The following BRD4 variants were observed in gnomAD, a reference collection of about 807,000 sequenced individuals.
BRD4 encodes bromodomain containing 4, also known as bromodomain-containing protein 4.
In BRD4, 16 loss-of-function variants were observed where a neutral mutation model predicts 142.1. The ratio of observed to expected loss-of-function variants is 0.11; its 90% CI spans 0.08 to 0.17. The LOEUF (loss-of-function observed/expected upper bound fraction) is 0.17. BRD4 is among the 10% of genes least tolerant of loss of function. BRD4 has a pLI of 1.00. For missense variants in BRD4, 1,424 were observed against 1,810.9 expected (o/e 0.79, Z 3.88); for synonymous variants, 833 against 707.5 (o/e 1.18, Z -2.82).
At chr19:15,307,162 A>T (rs375222139) in intron 1 of BRD4, among the ~76,000 whole-genome samples, 1 of 152,206 alleles carries the variant, frequency 6.6e-6, no homozygotes, top group East Asian at 1.9e-4. Context: ...CCTCAAGTTG[A>T]GTGACACAAA....
In BRD4 at chr19:15,236,864, C is replaced by T. The variant is rs565776142; in HGVS notation, c.*1513G>A. ...TAAAAAAAGAGAGATGTGTTTATTC[C>T]ATGATCAGTACAGACCAAATGCATA... On this transcript the variant is annotated 3_prime_UTR_variant, in exon 20 of 20. Transcript: ENST00000679869. 1 of 193,600 alleles carries T rather than the reference C, an allele frequency of 5.2e-6. No individual in the cohort carries two copies. Among genetic ancestry groups the T allele is most frequent in the African/African-American group, 2.3e-5 (1 of 43,040 alleles). The allele number at this position is 193,600 out of a possible 1,614,324, so 12.0% of individuals were successfully genotyped here.
Position 15,264,718 on chromosome 19 carries a change from TGGTGGTGGG to T in BRD4, c.889_897del (p.Pro297_Thr299del), listed in dbSNP as rs1568388329. ...GAGGGTGGCTCGTGAATGGGGTCAA[TGGTGGTGGG>T]GGTGGTGGTGTCTGCTTTCCTCTTC... On this transcript the variant is annotated inframe_deletion, in exon 6 of 20. Transcript: ENST00000679869. The T allele has an allele frequency of 4.3e-6, 7 of 1,612,576 alleles. No individual in the cohort carries two copies. The South Asian group carries it at 6.6e-5, about 15-fold the overall frequency.
At chr19:15,302,766 G>C (rs907418656) in intron 1 of BRD4, among the ~76,000 whole-genome samples, 7 of 151,776 alleles carry the variant, frequency 4.6e-5, no homozygotes, top group Non-Finnish European at 7.4e-5. Flanking sequence ...AGCACTTTGG[G>C]AGGCCGAGGC....
At chr19:15,289,692 A>G (rs1217820944) in intron 1 of BRD4, among the ~76,000 whole-genome samples, 1 of 152,100 alleles carries the variant, frequency 6.6e-6, no homozygotes, top group African/African-American at 2.4e-5. Context: ...AAAAAAGCCA[A>G]AACAGCAGTT....
chr19:15,257,218 C>A (rs769784702), intron 7 of BRD4, 45 bp from the exon 8 acceptor site: 8 of 1,537,340 alleles, frequency 5.2e-6, no homozygotes, highest in South Asian at 3.7e-5. Context: ...GGTACCCAGG[C>A]CGCGGCCTAG....
intron 4 of BRD4, 90 bp downstream of exon 4, chr19:15,267,326 T>A: frequency 6.7e-7 from 1 of 1,493,938 alleles, no homozygotes; most frequent in Non-Finnish European, 9.1e-7. Context: ...TAATGTCACA[T>A]CCTCCTGCCA....
chr19:15,308,164 G>GGGGGGGGGGGGGGGGGA (rs2047932966), intron 1 of BRD4, among the ~76,000 whole-genome samples: 1 of 20,012 alleles, frequency 5.0e-5, no homozygotes, highest in Non-Finnish European at 1.0e-4. Context: ...GGGGGGGGGG[G>GGGGGGGGGGGGGGGGGA]TGGGTCGCGT....
chr19:15,305,519 A>G (rs1023391337), intron 1 of BRD4, among the ~76,000 whole-genome samples: 1 of 152,262 alleles, frequency 6.6e-6, no homozygotes, highest in African/African-American at 2.4e-5. Context: ...TTTTCTAAGC[A>G]GTAGGTCTCA....
chr19:15,262,564 C>T (rs908944167), intron 7 of BRD4, among the ~76,000 whole-genome samples: 3 of 134,296 alleles, frequency 2.2e-5, no homozygotes, highest in South Asian at 2.5e-4. Flanking sequence ...AGAAAATAAA[C>T]GAGGCAAAAT....
intron 1 of BRD4, among the ~76,000 whole-genome samples, chr19:15,324,189 G>A (rs1229265245): frequency 1.3e-5 from 2 of 152,094 alleles, no homozygotes; most frequent in African/African-American, 2.4e-5. Context: ...GGGCAGAACA[G>A]GCTAACACAT....
intron 1 of BRD4, among the ~76,000 whole-genome samples, chr19:15,298,859 C>A (rs979865833): frequency 3.3e-5 from 5 of 152,104 alleles, no homozygotes; most frequent in South Asian, 4.1e-4. Flanking sequence ...AGAAAGAAAA[C>A]AGGTCTCACA....
At chr19:15,325,708 AAG>A (rs1334963604) in intron 1 of BRD4, among the ~76,000 whole-genome samples, 2 of 152,138 alleles carry the variant, frequency 1.3e-5, no homozygotes, top group African/African-American at 4.8e-5. Flanking sequence ...AAGATGAAAA[AAG>A]AGAAAACACC....
At chr19:15,324,102 T>C (rs34806847) in intron 1 of BRD4, among the ~76,000 whole-genome samples, 21,155 of 151,996 alleles carry the variant, frequency 0.14, 1,703 homozygotes, top group Middle Eastern at 0.2. Context: ...TCTCCTCTCC[T>C]GCTCTGGTAC....
At position 15,268,902 on chromosome 19, in the gene BRD4, C is replaced by T; in HGVS notation, c.423+3G>A. The T allele has an allele frequency of 6.2e-7, 1 of 1,614,080 alleles. No homozygotes were observed. Among genetic ancestry groups the T allele is most frequent in the Non-Finnish European group, 8.5e-7 (1 of 1,179,960 alleles). The stretch of plus-strand genomic sequence containing the variant: ...CAGCTGGACACCCACCCCTACATCT[C>T]ACCTTGTTGTAGATGTAACAATTTG... On this transcript the variant is annotated splice_donor_region_variant and intron_variant, in intron 3 of 19. Coordinates refer to ENST00000679869, the MANE Select transcript of BRD4 (RefSeq NM_001379291.1).
intron 1 of BRD4, among the ~76,000 whole-genome samples, chr19:15,307,873 G>C (rs868424346): frequency 6.6e-6 from 1 of 152,088 alleles, no homozygotes. Flanking sequence ...CCAGCATTTT[G>C]GGAGGCCCTG....
chr19:15,249,049 C>A, intron 11 of BRD4: 1 of 621,984 alleles, frequency 1.6e-6, no homozygotes, highest in Non-Finnish European at 2.8e-6. Context: ...GCAGTCTTTA[C>A]ACAGAGAGGC....
rs2145500331 is a variant in BRD4, at chr19:15,239,293, A to T, written c.3577-29T>A. 1 of 1,612,782 alleles carries T rather than the reference A, an allele frequency of 6.2e-7. No individual in the cohort carries two copies. Among genetic ancestry groups the T allele is most frequent in the Non-Finnish European group, 8.5e-7 (1 of 1,179,458 alleles). ...CAGAACAGAGAGGTTGGGGTGGGTGAGGGGTCTGCTGTGCCTAAAGGGCAT... is the reference window on the plus strand; with the variant it reads ...CAGAACAGAGAGGTTGGGGTGGGTGTGGGGTCTGCTGTGCCTAAAGGGCAT... On this transcript the variant is annotated intron_variant, in intron 17 of 19. Coordinates refer to ENST00000679869, the MANE Select transcript of BRD4 (RefSeq NM_001379291.1). This position sits in a 1 kb window ranked among gnomAD's most constrained non-coding sequence, Gnocchi z 7.4.
intron 11 of BRD4, among the ~76,000 whole-genome samples, chr19:15,245,746 C>T (rs1381336900): frequency 6.6e-6 from 1 of 152,224 alleles, no homozygotes; most frequent in Non-Finnish European, 1.5e-5. Context: ...AGTCGCCTGC[C>T]ACCAGATGGG....
intron 1 of BRD4, among the ~76,000 whole-genome samples, chr19:15,274,785 A>C (rs949352494): frequency 1.3e-5 from 2 of 152,044 alleles, no homozygotes; most frequent in Non-Finnish European, 2.9e-5. Flanking sequence ...ACAAAAACTC[A>C]TGTGTGCTCT....
Sources: gnomAD v4.1 joint callset for allele counts (sites outside exome capture counted in the v4.1 genomes callset) on GRCh38, gnomAD v4.1.1 for gene constraint, Gnocchi (gnomAD v3.1) non-coding constraint, MANE v1.5 for transcripts, NCBI Gene and HGNC (gene_info 2026-07-23, HGNC 2026-07-21) for gene names.